USP40: variants seen among roughly 807,000 people sequenced by gnomAD.
The protein encoded by USP40 is ubiquitin carboxyl-terminal hydrolase 40.
USP40 carries 143 observed loss-of-function variants against 166.2 expected under a neutral mutation model. The ratio of observed to expected loss-of-function variants is 0.86; its 90% CI spans 0.75 to 0.99. USP40 has a LOEUF of 0.99. Ranked by LOEUF, USP40 falls within the 50% of genes least tolerant of loss-of-function variation. USP40 has a pLI of 0.00. For missense variants in USP40, 1,444 were observed against 1,479.7 expected, an observed-to-expected ratio of 0.98 and a Z score of 0.40; for synonymous variants, 498 against 524.0, an observed-to-expected ratio of 0.95 and a Z score of 0.68.
In USP40 at chr2:233,549,121, A is replaced by G. The variant is rs778412235; in HGVS notation, c.946T>C (p.Leu316=). 10 of 1,598,432 alleles carry G rather than the reference A, an allele frequency of 6.3e-6. No individual in the cohort carries two copies. Among genetic ancestry groups the G allele is most frequent in the Non-Finnish European group, 8.5e-6 (10 of 1,173,594 alleles). The part of the protein sequence containing the change: ...YHVYIKDVDH[L]GNWQFQEEKS... Reference sequence around the variant, plus strand: ...CGTACTTGAAACTGCCAGTTTCCCAAATGATCAACATCTTTAATATATACA... The same window carrying G: ...CGTACTTGAAACTGCCAGTTTCCCAGATGATCAACATCTTTAATATATACA... Residue 316 remains leucine (L), a synonymous_variant, in exon 8 of 32, where the codon TTG becomes CTG. Transcript: ENST00000678225.
chr2:233,555,199 A>G (rs1259014257), intron 5 of USP40, among the ~76,000 whole-genome samples: 3 of 152,226 alleles, frequency 2.0e-5, no homozygotes, highest in African/African-American at 7.2e-5. Context: ...TCTCAAAAAA[A>G]AGAATTACGT....
intron 31 of USP40, among the ~76,000 whole-genome samples, chr2:233,478,081 G>A (rs1394766939): frequency 1.3e-5 from 2 of 152,264 alleles, no homozygotes; most frequent in Non-Finnish European, 2.9e-5. Flanking sequence ...AGCCTCCGCG[G>A]CCCACCCGCC....
chr2:233,523,244 C>G lies in USP40; in HGVS notation c.2127G>C (p.Met709Ile). 6.2e-7 allele frequency: 1 copy of G among 1,613,986 alleles called. No individual in the cohort carries two copies. Among genetic ancestry groups the G allele is most frequent in the Non-Finnish European group, 8.5e-7 (1 of 1,179,876 alleles). Residue 709 changes from methionine (M) to isoleucine (I), a missense_variant, in exon 16 of 32, where the codon ATG becomes ATC. Coordinates refer to ENST00000678225, the MANE Select transcript of USP40 (RefSeq NM_001365479.2). ...GCCCTTGCTCCCTGAACGTCTTCCT[C>G]ATGTCTTCCTTGGGGATGGCCGTCC... The part of the protein sequence containing the change: ...EGWTAIPKED[M>I]RKTFREQGLR...
chr2:233,505,815 T>G (rs1218218143), intron 21 of USP40, among the ~76,000 whole-genome samples: 3 of 152,176 alleles, frequency 2.0e-5, no homozygotes, highest in African/African-American at 4.8e-5. Flanking sequence ...ACTCATTTTA[T>G]GAGGCCAGCA....
intron 18 of USP40, among the ~76,000 whole-genome samples, chr2:233,515,957 T>C (rs1324678730): frequency 1.3e-5 from 2 of 152,222 alleles, no homozygotes; most frequent in Non-Finnish European, 2.9e-5. Flanking sequence ...TGCATGAAAA[T>C]ACCTTGGCAC....
In USP40 at chr2:233,485,768, C is replaced by G. The variant is rs775423383; in HGVS notation, c.3407G>C (p.Trp1136Ser). The G allele has an allele frequency of 4.9e-5, 79 of 1,612,952 alleles. No individual in the cohort carries two copies. Among genetic ancestry groups the G allele is most frequent in the Middle Eastern group, 3.3e-4 (2 of 6,082 alleles). Reference protein sequence around the residue: ...EKFEWLPISSWNQQITKRKKK... With the variant: ...EKFEWLPISSSNQQITKRKKK... The stretch of plus-strand genomic sequence containing the variant: ...TCTGAGACAGCCCCACAACTTTACC[C>G]AGCTAGATATCGGAAGCCACTCGAA... Residue 1136 changes from tryptophan (W) to serine (S), a missense_variant and splice_region_variant, in exon 29 of 32, where the codon TGG becomes TCG. Physicochemically the swap from Trp to Ser is radical, Grantham distance 177. Coordinates refer to ENST00000678225, the MANE Select transcript of USP40 (RefSeq NM_001365479.2).
chr2:233,504,849 C>T (rs572461079), intron 21 of USP40, among the ~76,000 whole-genome samples: 1 of 152,048 alleles, frequency 6.6e-6, no homozygotes, highest in East Asian at 1.9e-4. Context: ...TCACCATAGA[C>T]CAAACGGAGC....
chr2:233,489,787 A>T (rs2065189094), intron 26 of USP40: 1 of 261,408 alleles, frequency 3.8e-6, no homozygotes, highest in South Asian at 5.4e-5. Context: ...CTTTGGAATT[A>T]ACTTCCATGG....
chr2:233,551,667 G>A (rs934408738), intron 6 of USP40, 148 bp from the exon 7 acceptor site: 29 of 767,218 alleles, frequency 3.8e-5, no homozygotes, highest in Non-Finnish European at 5.0e-5. Flanking sequence ...AACATAACTC[G>A]ATGTCAACTC....
intron 4 of USP40, 135 bp downstream of exon 4, chr2:233,559,676 T>C (rs2071402732): frequency 1.9e-6 from 1 of 524,328 alleles, no homozygotes; most frequent in Non-Finnish European, 3.2e-6. Flanking sequence ...TTGTAATTTT[T>C]TAATGTGAGA....
Position 233,493,603 on chromosome 2 carries a change from T to G in USP40, c.2791-52A>C. 1 of 1,527,948 alleles carries G rather than the reference T, an allele frequency of 6.5e-7. No homozygotes were observed. The highest frequency in any genetic ancestry group is 1.3e-5 in the South Asian group (1 of 79,352). 94.6% of individuals were successfully genotyped at this position (1,527,948 alleles called of 1,614,324 possible). ...TGTGATTACAAAGATTAAGTGAAAC[T>G]CTACTTTTACTTCCATAGAAAGAAA... On this transcript the variant is annotated intron_variant, in intron 24 of 31. Transcript: ENST00000678225. The surrounding 1 kb of genome is among the most constrained non-coding windows in gnomAD (Gnocchi z 4.7).
At chr2:233,560,672 G>C (rs2071500435) in intron 3 of USP40, 1 of 219,486 alleles carries the variant, frequency 4.6e-6, no homozygotes, top group Non-Finnish European at 9.0e-6. Context: ...AAACTTTTGA[G>C]TTATGTTTAA....
At chr2:233,500,126 A>G (rs1310471535) in intron 21 of USP40, among the ~76,000 whole-genome samples, 1 of 152,178 alleles carries the variant, frequency 6.6e-6, no homozygotes, top group Non-Finnish European at 1.5e-5. Flanking sequence ...AGGAAAAAGC[A>G]GTTTCTGGTG....
chr2:233,489,387 G>GT lies in USP40; in HGVS notation c.3108dup (p.Arg1037ThrfsTer3). The GT allele has an allele frequency of 6.3e-7, 1 of 1,596,668 alleles. No individual in the cohort carries two copies. The highest frequency in any genetic ancestry group is 2.3e-5 in the East Asian group (1 of 44,254). On this transcript the variant is annotated frameshift_variant, in exon 27 of 32. Transcript: ENST00000678225. LOFTEE classifies it high-confidence loss of function. ...TACCTGAGTGGCTGCCGGTCAGTTC[G>GT]TAAAAGCCTGCCTGGGCGCTTCCTC...
At chr2:233,513,745 C>T (rs2066989041) in intron 18 of USP40, among the ~76,000 whole-genome samples, 1 of 152,012 alleles carries the variant, frequency 6.6e-6, no homozygotes, top group African/African-American at 2.4e-5. Flanking sequence ...TTTGAGGATA[C>T]AGATTCTTGC....
At chr2:233,546,692 C>T (rs573287695) in intron 8 of USP40, 1 of 152,268 alleles carries the variant, frequency 6.6e-6, no homozygotes, top group Admixed American at 6.5e-5. Context: ...AAACACTTAC[C>T]AGACATGGAC....
intron 18 of USP40, among the ~76,000 whole-genome samples, chr2:233,517,058 G>A (rs761479838): frequency 7.9e-5 from 12 of 152,062 alleles, no homozygotes; most frequent in Non-Finnish European, 1.0e-4. Context: ...TAATTTTGAT[G>A]TCGATTTTGT....
At chr2:233,522,142 CA>C (rs1431810730) in intron 16 of USP40, among the ~76,000 whole-genome samples, 1 of 152,118 alleles carries the variant, frequency 6.6e-6, no homozygotes, top group Non-Finnish European at 1.5e-5. Flanking sequence ...AAAGAGTCTA[CA>C]AATCTCAAGG....
At chr2:233,481,567 G>T in intron 30 of USP40, 1 of 466,046 alleles carries the variant, frequency 2.1e-6, no homozygotes, top group African/African-American at 2.0e-5. Context: ...CCAAACAGGG[G>T]GACTTTAAAG....
Sources: allele counts gnomAD v4.1 joint callset (sites outside exome capture counted in the v4.1 genomes callset), GRCh38; gene constraint gnomAD v4.1.1; non-coding constraint Gnocchi (gnomAD v3.1); transcripts MANE v1.5; gene names NCBI Gene and HGNC (gene_info 2026-07-23, HGNC 2026-07-21).